SGCZ: variants seen among roughly 807,000 people sequenced by gnomAD.
SGCZ encodes zeta-sarcoglycan.
A neutral mutation model predicts 41.3 loss-of-function variants in SGCZ; 40 were observed. The observed-to-expected ratio is 0.97, with a 90% CI of 0.75 to 1.26. The LOEUF (loss-of-function observed/expected upper bound fraction) is 1.26, where lower values mean the gene tolerates loss of function less well. Among genes scored for constraint, SGCZ ranks in the 50% most tolerant of loss-of-function variants. The pLI, the probability that SGCZ is intolerant of heterozygous loss-of-function variation, is 0.00. For synonymous variants in SGCZ, 206 were observed against 137.5 expected (o/e 1.50, Z -3.49); for missense variants, 552 against 369.8 (o/e 1.49, Z -4.04).
At chr8:14,823,783 T>G (rs1802194499) in intron 1 of SGCZ, among the ~76,000 whole-genome samples, 1 of 152,164 alleles carries the variant, frequency 6.6e-6, no homozygotes, top group Non-Finnish European at 1.5e-5. Flanking sequence ...AGTTACATGT[T>G]TTTTGCAGCA....
At chr8:14,221,923 T>C (rs1426132463) in intron 4 of SGCZ, among the ~76,000 whole-genome samples, 4 of 151,214 alleles carry the variant, frequency 2.6e-5, no homozygotes, top group Admixed American at 2.6e-4. Context: ...ATCATGCCAC[T>C]GCACTCCAGC....
chr8:14,934,863 A>G (rs1800034782), intron 1 of SGCZ, among the ~76,000 whole-genome samples: 2 of 151,704 alleles, frequency 1.3e-5, no homozygotes, highest in Non-Finnish European at 2.9e-5. Flanking sequence ...AGCTAGACAG[A>G]CAGGTTTCTC....
intron 1 of SGCZ, among the ~76,000 whole-genome samples, chr8:14,625,815 A>T (rs1806436722): frequency 6.6e-6 from 1 of 152,206 alleles, no homozygotes. Context: ...ACACAGATAT[A>T]TTACAACTTG....
chr8:14,224,603 G>A (rs1247838534), intron 4 of SGCZ, among the ~76,000 whole-genome samples: 1 of 152,092 alleles, frequency 6.6e-6, no homozygotes, highest in Non-Finnish European at 1.5e-5. Context: ...ACTTTATTAC[G>A]TTGGCTACGC....
intron 3 of SGCZ, among the ~76,000 whole-genome samples, chr8:14,250,086 G>C (rs911751775): frequency 6.6e-6 from 1 of 152,088 alleles, no homozygotes; most frequent in Non-Finnish European, 1.5e-5. Context: ...CATTTCAAAC[G>C]AGCTTCCAGG....
intron 2 of SGCZ, among the ~76,000 whole-genome samples, chr8:14,480,916 A>C (rs1801517972): frequency 6.6e-6 from 1 of 152,196 alleles, no homozygotes; most frequent in African/African-American, 2.4e-5. Context: ...AAAAAAGAAT[A>C]ACATTCTTAT....
At chr8:14,811,810 C>G (rs568027114) in intron 1 of SGCZ, among the ~76,000 whole-genome samples, 1 of 152,114 alleles carries the variant, frequency 6.6e-6, no homozygotes, top group African/African-American at 2.4e-5. Flanking sequence ...TTCCAATTCC[C>G]TTTCAGATCA....
At chr8:14,939,307 C>A (rs888556800) in intron 1 of SGCZ, among the ~76,000 whole-genome samples, 9 of 152,158 alleles carry the variant, frequency 5.9e-5, no homozygotes, top group African/African-American at 1.9e-4. Flanking sequence ...CTGTAAGGAT[C>A]TGAAAATCAA....
chr8:15,022,553 A>G (rs1803294586), intron 1 of SGCZ, among the ~76,000 whole-genome samples: 2 of 152,114 alleles, frequency 1.3e-5, no homozygotes, highest in Non-Finnish European at 2.9e-5. Flanking sequence ...CATGTTTGCC[A>G]GGATGGTCTC....
chr8:14,406,109 A>G (rs1215455077), intron 2 of SGCZ, among the ~76,000 whole-genome samples: 1 of 152,074 alleles, frequency 6.6e-6, no homozygotes, highest in African/African-American at 2.4e-5. Context: ...TAAGTAAACT[A>G]CAGTTTCCCA....
intron 1 of SGCZ, among the ~76,000 whole-genome samples, chr8:14,877,120 C>A (rs1294536714): frequency 6.6e-6 from 1 of 152,074 alleles, no homozygotes; most frequent in African/African-American, 2.4e-5. Context: ...ACTACAGGTG[C>A]GCACTACCAT....
At chr8:14,434,800 A>C (rs923107977) in intron 2 of SGCZ, among the ~76,000 whole-genome samples, 3 of 152,040 alleles carry the variant, frequency 2.0e-5, no homozygotes, top group African/African-American at 7.2e-5. Context: ...ACGGTAACGC[A>C]TGCCTGCAGT....
At chr8:14,569,939 C>T (rs79417527) in intron 1 of SGCZ, among the ~76,000 whole-genome samples, 31 of 140,524 alleles carry the variant, frequency 2.2e-4, no homozygotes, top group African/African-American at 8.6e-4. Flanking sequence ...TCTCATGGGG[C>T]ACTGGAATCT....
intron 1 of SGCZ, among the ~76,000 whole-genome samples, chr8:14,764,940 T>C (rs1346972517): frequency 1.3e-5 from 2 of 152,202 alleles, no homozygotes; most frequent in Non-Finnish European, 2.9e-5. Flanking sequence ...TGAGTCCAAA[T>C]GTTAACAACT....
chr8:15,172,162 T>TTTATTTATTTTTA (rs1554471134), intron 1 of SGCZ, among the ~76,000 whole-genome samples: 11 of 119,036 alleles, frequency 9.2e-5, no homozygotes, highest in African/African-American at 3.6e-4. Flanking sequence ...CTGTTTTTTT[T>TTTATTTATTTTTA]TTTTTTTTTT....
chr8:14,491,966 C>T (rs1801854838), intron 2 of SGCZ, among the ~76,000 whole-genome samples: 1 of 151,998 alleles, frequency 6.6e-6, no homozygotes, highest in African/African-American at 2.4e-5. Context: ...TTCAATAAAT[C>T]TAAGACGACT....
chr8:14,567,093 A>T (rs969153621), intron 1 of SGCZ, among the ~76,000 whole-genome samples: 34 of 152,052 alleles, frequency 2.2e-4, no homozygotes, highest in Non-Finnish European at 1.9e-4. Flanking sequence ...AGGGCTCGGG[A>T]CCTGCAGCCC....
intron 1 of SGCZ, among the ~76,000 whole-genome samples, chr8:14,819,377 T>C (rs1802004139): frequency 6.6e-6 from 1 of 152,144 alleles, no homozygotes; most frequent in Non-Finnish European, 1.5e-5. Flanking sequence ...AAATAGTTTG[T>C]TTTTTCCTTA....
At chr8:14,991,670 G>C (rs1046870841) in intron 1 of SGCZ, among the ~76,000 whole-genome samples, 2 of 151,960 alleles carry the variant, frequency 1.3e-5, no homozygotes, top group Admixed American at 6.6e-5. Context: ...TGATACCCTG[G>C]AAATTTACCT....
Sources: allele counts gnomAD v4.1 joint callset (sites outside exome capture counted in the v4.1 genomes callset), GRCh38; gene constraint gnomAD v4.1.1; transcripts MANE v1.5; gene names NCBI Gene and HGNC (gene_info 2026-07-23, HGNC 2026-07-21).